The following WDR64 variants were observed in gnomAD, a reference collection of about 807,000 sequenced individuals.
WDR64 encodes WD repeat-containing protein 64.
Under a neutral mutation model 139.3 loss-of-function variants are expected in WDR64, and 112 were observed. The ratio of observed to expected loss-of-function variants is 0.80; its 90% CI spans 0.69 to 0.94. WDR64 has a LOEUF of 0.94. WDR64 is among the 40% of genes least tolerant of loss of function. The probability of loss-of-function intolerance (pLI) is 0.00; values close to 1 mark genes in which losing one functional copy is unlikely to be tolerated. For missense variants in WDR64, 1,206 were observed against 1,293.1 expected (o/e 0.93, Z 1.03); for synonymous variants, 444 against 437.7 (o/e 1.01, Z -0.18).
At chr1:241,795,433 C>A in intron 26 of WDR64, 146 bp downstream of exon 26, 1 of 656,792 alleles carries the variant, frequency 1.5e-6, no homozygotes, top group Non-Finnish European at 2.6e-6. Context: ...ATGTGCAGTC[C>A]CAGAAAAGTC....
intron 10 of WDR64, among the ~76,000 whole-genome samples, chr1:241,733,172 A>T (rs762875243): frequency 4.9e-4 from 74 of 151,976 alleles, no homozygotes; most frequent in Non-Finnish European, 9.4e-4. Flanking sequence ...TCCATTCCCA[A>T]TTTATCTGAA....
At chr1:241,756,495 G>A (rs61827078) in intron 14 of WDR64, among the ~76,000 whole-genome samples, 22,910 of 152,116 alleles carry the variant, frequency 0.15, 1,921 homozygotes, top group African/African-American at 0.19. Flanking sequence ...CGTGTCATCT[G>A]CAAACAGAGA....
chr1:241,687,364 T>C (rs1667045774), intron 7 of WDR64, 97 bp from the exon 8 acceptor site: 28 of 1,460,592 alleles, frequency 1.9e-5, no homozygotes, highest in Non-Finnish European at 2.5e-5. Flanking sequence ...TTGGGTTTAG[T>C]ACAATTCAGT....
intron 3 of WDR64, among the ~76,000 whole-genome samples, chr1:241,674,405 A>G (rs971432128): frequency 1.3e-5 from 2 of 151,148 alleles, no homozygotes; most frequent in Non-Finnish European, 3.0e-5. Flanking sequence ...TATAGGCATG[A>G]CCCATCACAT....
At chr1:241,660,433 A>G (rs979138125) in intron 1 of WDR64, 97 bp from the exon 2 acceptor site, 1 of 1,419,174 alleles carries the variant, frequency 7.0e-7, no homozygotes, top group Non-Finnish European at 9.5e-7. Flanking sequence ...TAGATTGAGA[A>G]AAGAAAATAC....
chr1:241,795,668 GTCTC>G (rs996004848), intron 26 of WDR64, among the ~76,000 whole-genome samples: 6 of 152,012 alleles, frequency 3.9e-5, no homozygotes, highest in African/African-American at 1.4e-4. Context: ...AGCATCACTG[GTCTC>G]TCTAATACCT....
At chr1:241,742,446 G>A (rs1203219179) in intron 12 of WDR64, among the ~76,000 whole-genome samples, 1 of 152,156 alleles carries the variant, frequency 6.6e-6, no homozygotes, top group Middle Eastern at 3.2e-3. Context: ...CAGTAAAGAA[G>A]CCAGCCAAAA....
intron 4 of WDR64, 113 bp downstream of exon 4, chr1:241,674,860 T>G: frequency 7.1e-6 from 1 of 141,546 alleles, no homozygotes; most frequent in Non-Finnish European, 1.4e-5. Context: ...CTTTCCTTCC[T>G]CCCTCCCTCC....
chr1:241,681,088 C>T (rs1223786813), intron 6 of WDR64, among the ~76,000 whole-genome samples: 4 of 150,680 alleles, frequency 2.7e-5, no homozygotes, highest in African/African-American at 9.7e-5. Flanking sequence ...ACAGCCTCTT[C>T]TCTCTCTCTC....
chr1:241,668,897 C>CAA lies in WDR64; in HGVS notation c.277-2163_277-2162dup, dbSNP rs71570905. ...CCTGGGTGACAGGGCAAGACTCCGT[C>CAA]AAAAAAAAAAAAAAATACCCTTAAA... On this transcript the variant is annotated intron_variant, in intron 2 of 27. Coordinates refer to ENST00000437684, the MANE Select transcript of WDR64 (RefSeq NM_001367482.1). Among the ~76,000 whole-genome samples, 1,126 of 135,546 alleles carry CAA rather than the reference C, an allele frequency of 8.3e-3. 12 individuals carry two copies. Among genetic ancestry groups the CAA allele is most frequent in the Middle Eastern group, 0.019 (5 of 270 alleles). The allele number at this position is 135,546 out of a possible 152,430, so 88.9% of individuals were successfully genotyped here.
At chr1:241,785,932 G>A (rs1020057663) in intron 23 of WDR64, among the ~76,000 whole-genome samples, 2 of 152,180 alleles carry the variant, frequency 1.3e-5, no homozygotes, top group African/African-American at 4.8e-5. Flanking sequence ...TGGGAAGCAG[G>A]ATTAGTTATT....
rs1321354715 is a variant in WDR64, at chr1:241,723,436, G to A, written c.1194G>A (p.Lys398=). 3 of 1,612,280 alleles carry A rather than the reference G, an allele frequency of 1.9e-6. No individual in the cohort carries two copies. The highest frequency in any genetic ancestry group is 2.7e-5 in the African/African-American group (2 of 74,934). The change falls in exon 10 of 28, where the codon AAG becomes AAA. Residue 398 remains lysine (K), a splice_region_variant and synonymous_variant. Coordinates refer to ENST00000437684, the MANE Select transcript of WDR64 (RefSeq NM_001367482.1). ...ATGTCGTCAGCCTTTCCTCTGCAAA[G>A]GTAACAAAAAGAAAATAACAAAACA... ...DQHVVSLSSA[K]VFRVWDIQTL... is the part of the protein sequence containing the mutation.
chr1:241,705,751 C>A (rs931999731), intron 8 of WDR64, among the ~76,000 whole-genome samples: 2 of 151,886 alleles, frequency 1.3e-5, no homozygotes, highest in Admixed American at 1.3e-4. Flanking sequence ...ACACGCCCGG[C>A]TAATTTTTCT....
intron 27 of WDR64, among the ~76,000 whole-genome samples, chr1:241,800,137 G>A (rs1269083759): frequency 6.6e-6 from 1 of 152,186 alleles, no homozygotes; most frequent in Non-Finnish European, 1.5e-5. Flanking sequence ...AAAGATCTGT[G>A]CAGCTTGGAA....
At chr1:241,775,762 T>C (rs1468108610) in intron 21 of WDR64, among the ~76,000 whole-genome samples, 1 of 152,202 alleles carries the variant, frequency 6.6e-6, no homozygotes, top group East Asian at 1.9e-4. Context: ...AGATTATGTG[T>C]GTATGTGAAT....
At chr1:241,769,152 T>C (rs549208518) in intron 16 of WDR64, among the ~76,000 whole-genome samples, 1 of 152,216 alleles carries the variant, frequency 6.6e-6, no homozygotes, top group East Asian at 1.9e-4. Context: ...AGAAGTCCAT[T>C]CTCTGATCTA....
intron 2 of WDR64, among the ~76,000 whole-genome samples, chr1:241,668,289 C>G (rs1432981149): frequency 6.6e-6 from 1 of 152,044 alleles, no homozygotes; most frequent in Non-Finnish European, 1.5e-5. Context: ...GGGGGCGGAT[C>G]ACGAGGTCAG....
chr1:241,708,366 G>T (rs910648800), intron 8 of WDR64, among the ~76,000 whole-genome samples: 1 of 152,178 alleles, frequency 6.6e-6, no homozygotes, highest in Non-Finnish European at 1.5e-5. Context: ...CCCCAGGCCA[G>T]AGTGCAGTGG....
chr1:241,718,936 C>T (rs770101842), intron 9 of WDR64, among the ~76,000 whole-genome samples: 1 of 152,102 alleles, frequency 6.6e-6, no homozygotes, highest in Non-Finnish European at 1.5e-5. Flanking sequence ...CTCATTGGAA[C>T]CTAATTATCT....
Sources: gnomAD v4.1 joint callset for allele counts (sites outside exome capture counted in the v4.1 genomes callset) on GRCh38, gnomAD v4.1.1 for gene constraint, MANE v1.5 for transcripts, NCBI Gene and HGNC (gene_info 2026-07-23, HGNC 2026-07-21) for gene names.